Variants in MSH6 observed in about 807,000 individuals in gnomAD.
MSH6 encodes the protein DNA mismatch repair protein Msh6.
A neutral mutation model predicts 119.1 loss-of-function variants in MSH6; 85 were observed. The ratio of observed to expected loss-of-function variants is 0.71; its 90% CI spans 0.60 to 0.85. MSH6 has a LOEUF of 0.85. Ranked by LOEUF, MSH6 falls within the 40% of genes least tolerant of loss-of-function variation. MSH6 has a pLI of 0.00. For synonymous variants in MSH6, 830 were observed against 586.9 expected (o/e 1.41, Z -5.99); for missense variants, 2,163 against 1,655.3 (o/e 1.31, Z -5.32).
chr2:47,805,763 A>ATAAC (rs1669987418), intron 7 of MSH6, 56 bp downstream of exon 7: 7 of 1,279,350 alleles, frequency 5.5e-6, no homozygotes, highest in South Asian at 1.2e-5. Flanking sequence ...ATTTGTACAA[A>ATAAC]TAACTATTTT....
rs754636132 is a variant in MSH6 at position 47,805,032 on chromosome 2, G to GT, written c.3556+11dup. The GT allele has an allele frequency of 3.1e-6, 5 of 1,596,176 alleles. No individual in the cohort carries two copies. In the South Asian group the frequency reaches 5.5e-5, roughly 18 times the overall value. The stretch of plus-strand genomic sequence containing the variant: ...CCTCAGACAGAATAATGTCAGGTGA[G>GT]TTTTTTGTTTCCCACTTAAGTTCTC... On this transcript the variant is annotated splice_donor_region_variant and intron_variant, in intron 6 of 9. Coordinates refer to ENST00000234420, the MANE Select transcript of MSH6 (RefSeq NM_000179.3).
At chr2:47,789,407 A>G (rs1233000835) in intron 1 of MSH6, 1 of 463,148 alleles carries the variant, frequency 2.2e-6, no homozygotes, top group African/African-American at 2.0e-5. Flanking sequence ...TTTTCACACA[A>G]ACTTTTTTTT....
At position 47,799,484 on chromosome 2, in the gene MSH6, C is replaced by T. The variant is rs779411998; in HGVS notation, c.1501C>T (p.His501Tyr). Reference protein sequence around the residue: ...MMEARCRKMAHISKYDRVVRR... With the variant: ...MMEARCRKMAYISKYDRVVRR... ...GGAGGCACGATGTAGAAAGATGGCA[C>T]ATATATCCAAGTATGATAGAGTGGT... Residue 501 changes from histidine (H) to tyrosine (Y), a missense_variant, in exon 4 of 10, where the codon CAT becomes TAT. His to Tyr is a moderately conservative substitution (Grantham distance 83). Transcript: ENST00000234420. 7.4e-6 allele frequency: 12 copies of T among 1,614,026 alleles called. No individual in the cohort carries two copies. In the East Asian group the frequency reaches 2.5e-4, roughly 33 times the overall value.
At chr2:47,784,230 G>A in intron 1 of MSH6, 1 of 1,002,158 alleles carries the variant, frequency 1.0e-6, no homozygotes, top group Non-Finnish European at 1.2e-6. Context: ...GATCCGGCTG[G>A]GTCCTTCGGT....
chr2:47,797,750 T>C, intron 3 of MSH6: 1 of 166,946 alleles, frequency 6.0e-6, no homozygotes, highest in Non-Finnish European at 1.3e-5. Flanking sequence ...TGCAGCACTT[T>C]GTGTTTTTGA....
rs1057521330 is a variant in MSH6, at chr2:47,800,477, C to T, written c.2494C>T (p.Leu832=). The part of the protein sequence containing the change: ...LSKIHNVGSP[L]KSQNHPDSRA... The stretch of plus-strand genomic sequence containing the variant: ...TAAAATTCATAATGTTGGGTCTCCC[C>T]TGAAGAGTCAGAACCACCCAGACAG... The change falls in exon 4 of 10, where the codon CTG becomes TTG. Residue 832 remains leucine (L), a synonymous_variant. Coordinates refer to ENST00000234420, the MANE Select transcript of MSH6 (RefSeq NM_000179.3). 2.5e-6 allele frequency: 4 copies of T among 1,613,348 alleles called. No homozygotes were observed. Among genetic ancestry groups the T allele is most frequent in the Non-Finnish European group, 2.5e-6 (3 of 1,179,878 alleles).
Position 47,799,836 on chromosome 2 carries a change from A to G in MSH6, c.1853A>G (p.Gln618Arg), listed in dbSNP as rs747576518. The change falls in exon 4 of 10, where the codon CAG (glutamine) becomes CGG (arginine). Residue 618 changes from glutamine (Q) to arginine (R), a missense_variant. Transcript: ENST00000234420. The part of the protein sequence containing the change: ...ILKSSLSCSL[Q>R]EGLIPGSQFW... The stretch of plus-strand genomic sequence containing the variant: ...AAGAGTTCATTGTCCTGTTCTCTTC[A>G]GGAAGGTCTGATACCCGGCTCCCAG... 2 of 1,614,226 alleles carry G rather than the reference A, an allele frequency of 1.2e-6. No homozygotes were observed. The highest frequency in any genetic ancestry group is 3.3e-5 in the Admixed American group (2 of 60,026).
At chr2:47,790,840 G>A in intron 1 of MSH6, 87 bp from the exon 2 acceptor site, 2 of 1,181,572 alleles carry the variant, frequency 1.7e-6, no homozygotes, top group Non-Finnish European at 2.5e-6. Context: ...AATGCCAGAA[G>A]ACTTGGAATT....
intron 1 of MSH6, among the ~76,000 whole-genome samples, chr2:47,788,050 A>C (rs374245014): frequency 6.6e-6 from 1 of 152,194 alleles, no homozygotes; most frequent in Non-Finnish European, 1.5e-5. Context: ...TAAAATTTTT[A>C]GTTTTGTTAC....
chr2:47,806,685 C>CTGACCTTA lies in MSH6; in HGVS notation c.4001+35_4001+42dup, dbSNP rs1020889312. ...CTAACTATAATGGAATTATAACTAA[C>CTGACCTTA]TGACCTTAAGTTTCAAAGAAACAGT... On this transcript the variant is annotated intron_variant, in intron 9 of 9. Coordinates refer to ENST00000234420, the MANE Select transcript of MSH6 (RefSeq NM_000179.3). 1.9e-6 allele frequency: 3 copies of CTGACCTTA among 1,590,848 alleles called. No homozygotes were observed. The African/African-American group carries it at 4.0e-5, about 21-fold the overall frequency.
intron 1 of MSH6, 33 bp from the exon 2 acceptor site, chr2:47,790,894 T>G (rs1168592357): frequency 6.2e-7 from 1 of 1,607,190 alleles, no homozygotes; most frequent in Admixed American, 1.7e-5. Context: ...TGACCAAATA[T>G]TAACTAAGTT....
At position 47,799,948 on chromosome 2, in the gene MSH6, AC is replaced by A. The variant is rs876661205; in HGVS notation, c.1969del (p.Gln657ArgfsTer6). 1 of 1,614,128 alleles carries A rather than the reference AC, an allele frequency of 6.2e-7. No homozygotes were observed. On this transcript the variant is annotated frameshift_variant, in exon 4 of 10. Transcript: ENST00000234420. LOFTEE classifies it high-confidence loss of function. ...KLSDGIGVML[P>X]QVLKGMTSES... is the part of the protein sequence containing the mutation. ...TAAGTGATGGCATTGGGGTGATGTT[AC>A]CCCAGGTGCTTAAAGGTATGACTTC...
At chr2:47,792,145 C>T (rs376771290) in intron 2 of MSH6, among the ~76,000 whole-genome samples, 28 of 152,134 alleles carry the variant, frequency 1.8e-4, no homozygotes, top group Admixed American at 5.9e-4. Context: ...TGTGCCCAGC[C>T]GCCCAGCTAA....
intron 4 of MSH6, among the ~76,000 whole-genome samples, chr2:47,802,586 A>G (rs1367548885): frequency 6.9e-6 from 1 of 145,358 alleles, no homozygotes; most frequent in East Asian, 2.0e-4. Context: ...GCCCGCCTTG[A>G]TCTCCGAAAG....
At chr2:47,808,048 A>C, downstream of MSH6, 1 of 1,382,630 alleles carries the variant, frequency 7.2e-7, no homozygotes, top group East Asian at 2.3e-5. Flanking sequence ...AAATATTTTA[A>C]ATCTTCTTCC....
chr2:47,795,795 G>C, intron 2 of MSH6, 99 bp from the exon 3 acceptor site: 6 of 969,924 alleles, frequency 6.2e-6, no homozygotes, highest in Non-Finnish European at 9.7e-6. Flanking sequence ...GATAGAGATG[G>C]GGTTTGCTAT....
intron 4 of MSH6, 135 bp downstream of exon 4, chr2:47,801,290 C>G: frequency 1.2e-6 from 1 of 847,832 alleles, no homozygotes; most frequent in Non-Finnish European, 1.8e-6. Flanking sequence ...TGCATCCTGA[C>G]TAGGCTGCCC....
At chr2:47,796,579 G>T (rs1374582156) in intron 3 of MSH6, among the ~76,000 whole-genome samples, 1 of 152,100 alleles carries the variant, frequency 6.6e-6, no homozygotes, top group Non-Finnish European at 1.5e-5. Context: ...TTTTTTTGTT[G>T]TATTTTGCAT....
chr2:47,809,544 G>C (rs75175886), downstream of MSH6: 3 of 1,288,896 alleles, frequency 2.3e-6, no homozygotes, highest in Admixed American at 2.0e-5. Flanking sequence ...AACGGCTTCT[G>C]ATTATCTTTC....
Sources: allele counts gnomAD v4.1 joint callset (sites outside exome capture counted in the v4.1 genomes callset), GRCh38; gene constraint gnomAD v4.1.1; transcripts MANE v1.5; gene names NCBI Gene and HGNC (gene_info 2026-07-23, HGNC 2026-07-21).